Variants in ZNF766 observed in about 807,000 individuals in gnomAD.
ZNF766 encodes the protein zinc finger protein 766.
In ZNF766, 13 loss-of-function variants were observed where a neutral mutation model predicts 13.2. The observed-to-expected ratio is 0.98, with a 90% CI of 0.64 to 1.56. The LOEUF is 1.56. Among genes scored for constraint, ZNF766 ranks in the 40% most tolerant of loss-of-function variants. The probability of loss-of-function intolerance (pLI) is 0.00; values close to 1 mark genes in which losing one functional copy is unlikely to be tolerated. For synonymous variants in ZNF766, 178 were observed against 187.6 expected (o/e 0.95, Z 0.42); for missense variants, 521 against 552.2 (o/e 0.94, Z 0.57).
At chr19:52,287,647 C>T (rs1388548892) in intron 3 of ZNF766, among the ~76,000 whole-genome samples, 1 of 152,180 alleles carries the variant, frequency 6.6e-6, no homozygotes, top group African/African-American at 2.4e-5. Context: ...ATAACTGATT[C>T]AGTCTTCTTA....
chr19:52,283,117 C>A (rs1246860046), intron 2 of ZNF766, among the ~76,000 whole-genome samples, 168 bp from the exon 3 acceptor site: 1 of 152,180 alleles, frequency 6.6e-6, no homozygotes, highest in African/African-American at 2.4e-5. Flanking sequence ...TAAAAGTGTT[C>A]CTGTTTCTCC....
At chr19:52,270,342 AGAGG>A (rs1446616490) in intron 1 of ZNF766, among the ~76,000 whole-genome samples, 3 of 152,174 alleles carry the variant, frequency 2.0e-5, no homozygotes, top group South Asian at 4.1e-4. Flanking sequence ...ACGGCAACGC[AGAGG>A]GAGGGTGAGA....
rs147340614 is a variant in ZNF766, at chr19:52,286,998, G to A, written c.275-3068G>A. Among the ~76,000 whole-genome samples, 580 of 152,046 alleles carry A rather than the reference G, an allele frequency of 3.8e-3. 5 individuals are homozygous for A. Among genetic ancestry groups the A allele is most frequent in the Middle Eastern group, 0.027 (8 of 294 alleles). On this transcript the variant is annotated intron_variant, in intron 3 of 3. Transcript: ENST00000439461. Reference sequence around the variant, plus strand: ...CTACAGGCACCTGCCACCATGCCCGGATAACTTTTATATTTTAATAGAGAC... The same window carrying A: ...CTACAGGCACCTGCCACCATGCCCGAATAACTTTTATATTTTAATAGAGAC...
intron 3 of ZNF766, 72 bp downstream of exon 3, chr19:52,283,485 A>AC: frequency 6.8e-7 from 1 of 1,467,398 alleles, no homozygotes. Flanking sequence ...TGTTCCCCAC[A>AC]CTGGAGTGCA....
At chr19:52,279,237 C>G (rs1448707763) in intron 1 of ZNF766, among the ~76,000 whole-genome samples, 2 of 152,120 alleles carry the variant, frequency 1.3e-5, no homozygotes, top group African/African-American at 4.8e-5. Context: ...GTCTTTGTGC[C>G]TGTTTTTGTA....
chr19:52,291,309 CA>C lies in ZNF766; in HGVS notation c.*114del. On this transcript the variant is annotated 3_prime_UTR_variant, in exon 4 of 4. Transcript: ENST00000439461. ...TGGCACAGGCTGTATCGAGACCTAC[CA>C]AATCACTAGACATCGAAACATTCAT... The C allele has an allele frequency of 9.4e-7, 1 of 1,062,990 alleles. No individual in the cohort carries two copies. The highest frequency in any genetic ancestry group is 1.3e-6 in the Non-Finnish European group (1 of 742,226). The allele number at this position is 1,062,990 out of a possible 1,614,324, so 65.8% of individuals were successfully genotyped here. A position where few individuals can be genotyped will look rare whatever the true frequency, so the allele number is the denominator to read the frequency against.
Position 52,290,272 on chromosome 19 carries a change from T to C in ZNF766, c.481T>C (p.Phe161Leu). 6.2e-7 allele frequency: 1 copy of C among 1,613,866 alleles called. No homozygotes were observed. The highest frequency in any genetic ancestry group is 2.2e-5 in the East Asian group (1 of 44,878). Residue 161 changes from phenylalanine to leucine, a missense_variant, in exon 4 of 4, where the codon TTT (phenylalanine) becomes CTT (leucine). Physicochemically the swap from Phe to Leu is conservative, Grantham distance 22. Transcript: ENST00000439461. ...RIYSGVKTHI[F>L]NKHRNDFVDF... ...TTACTCTGGGGTCAAAACCCACATA[T>C]TTAATAAACATAGGAATGATTTTGT... is the stretch of plus-strand genomic sequence containing the variant.
intron 3 of ZNF766, chr19:52,288,026 T>TC: frequency 2.3e-6 from 1 of 431,496 alleles, no homozygotes; most frequent in Non-Finnish European, 4.5e-6. Context: ...TTTTTCTTTT[T>TC]CTTTTTTTTT....
rs1024354362 is a variant in ZNF766, at chr19:52,291,890, C to T, written c.*692C>T. 14 of 427,310 alleles carry T rather than the reference C, an allele frequency of 3.3e-5. No homozygotes were observed. Among genetic ancestry groups the T allele is most frequent in the African/African-American group, 1.6e-4 (8 of 49,536 alleles). The allele number at this position is 427,310 out of a possible 1,614,324, so 26.5% of individuals were successfully genotyped here. ...TGGAGATCAAGATAAGTATGGGCAA[C>T]GTAGCAAGGCCCATCCCTACAAAAT... On this transcript the variant is annotated 3_prime_UTR_variant, in exon 4 of 4. Coordinates refer to ENST00000439461, the MANE Select transcript of ZNF766 (RefSeq NM_001010851.3).
chr19:52,273,463 C>T (rs987586634), intron 1 of ZNF766, among the ~76,000 whole-genome samples: 1 of 152,164 alleles, frequency 6.6e-6, no homozygotes, highest in Non-Finnish European at 1.5e-5. Context: ...GAGCTCATCT[C>T]CTCCCTGTGT....
At chr19:52,269,710 A>G in intron 1 of ZNF766, 79 bp downstream of exon 1, 1 of 1,565,040 alleles carries the variant, frequency 6.4e-7, no homozygotes. Context: ...GGGGGGCGGT[A>G]CAGACCTTGA....
At chr19:52,273,618 G>C (rs571046424) in intron 1 of ZNF766, among the ~76,000 whole-genome samples, 169 of 152,256 alleles carry the variant, frequency 1.1e-3, no homozygotes, top group Middle Eastern at 0.01. Flanking sequence ...TTCTTCCCCA[G>C]GTCTTTGTTC....
In ZNF766 at chr19:52,291,836, A is replaced by C. The variant is rs1982162722; in HGVS notation, c.*638A>C. ...ATGCCTATAATCTCAGCACAATAGA[A>C]AGCCAAGACAGGAGGGTCACTTGAT... On this transcript the variant is annotated 3_prime_UTR_variant, in exon 4 of 4. Transcript: ENST00000439461. 1 of 297,356 alleles carries C rather than the reference A, an allele frequency of 3.4e-6. No individual in the cohort carries two copies. The highest frequency in any genetic ancestry group is 2.2e-5 in the African/African-American group (1 of 46,030). The allele number at this position is 297,356 out of a possible 1,614,324, so 18.4% of individuals were successfully genotyped here. A position where few individuals can be genotyped will look rare whatever the true frequency, so the allele number is the denominator to read the frequency against.
At position 52,292,157 on chromosome 19, in the gene ZNF766, CTG is replaced by C; in HGVS notation, c.*962_*963del. ...ATGTGCCTTCCCTACAGGCCTTTCA[CTG>C]TGGTCTGGGAAAGAATCAGTAAGAT... is the stretch of plus-strand genomic sequence containing the variant. On this transcript the variant is annotated 3_prime_UTR_variant, in exon 4 of 4. Coordinates refer to ENST00000439461, the MANE Select transcript of ZNF766 (RefSeq NM_001010851.3). 1 of 702,876 alleles carries C rather than the reference CTG, an allele frequency of 1.4e-6. No homozygotes were observed. The highest frequency in any genetic ancestry group is 2.6e-6 in the Non-Finnish European group (1 of 384,952). 43.5% of individuals were successfully genotyped at this position (702,876 alleles called of 1,614,324 possible).
chr19:52,283,238 A>G, intron 2 of ZNF766, 47 bp from the exon 3 acceptor site: 1 of 1,584,384 alleles, frequency 6.3e-7, no homozygotes, highest in Non-Finnish European at 8.6e-7. Flanking sequence ...GAGGGCTTGG[A>G]TTTTGGAGAC....
In ZNF766 at chr19:52,282,279, T is replaced by G. The variant is rs763985503; in HGVS notation, c.145+42T>G. Reference sequence around the variant, plus strand: ...TCCAGAAGTTGGGGTCTGCCCTTAGTATCTCTGCATTTTCCCTTGTGTGCC... The same window carrying G: ...TCCAGAAGTTGGGGTCTGCCCTTAGGATCTCTGCATTTTCCCTTGTGTGCC... On this transcript the variant is annotated intron_variant, in intron 2 of 3. Coordinates refer to ENST00000439461, the MANE Select transcript of ZNF766 (RefSeq NM_001010851.3). 109 of 1,544,040 alleles carry G rather than the reference T, an allele frequency of 7.1e-5. 1 individual carries two copies. The highest frequency in any genetic ancestry group is 9.2e-5 in the Non-Finnish European group (105 of 1,145,400).
At chr19:52,277,899 C>G (rs1981290959) in intron 1 of ZNF766, among the ~76,000 whole-genome samples, 1 of 151,888 alleles carries the variant, frequency 6.6e-6, no homozygotes, top group South Asian at 2.1e-4. Context: ...AGAAGCTGCC[C>G]ACAGAAATCA....
rs1268077715 is a variant in ZNF766, at chr19:52,295,723, ATTAT to A, written c.*4532_*4535del. 1 of 151,904 alleles carries A rather than the reference ATTAT, an allele frequency of 6.6e-6. No homozygotes were observed. Among genetic ancestry groups the A allele is most frequent in the Non-Finnish European group, 1.5e-5 (1 of 67,996 alleles). The allele number at this position is 151,904 out of a possible 1,614,324, so 9.4% of individuals were successfully genotyped here. On this transcript the variant is annotated 3_prime_UTR_variant, in exon 4 of 4. Transcript: ENST00000439461. ...TATCTTTATTTTATTTATTTATTTT[ATTAT>A]TTATTTTTTTGAGATGGAGTTTCAC...
In ZNF766 at chr19:52,291,293, C is replaced by T; in HGVS notation, c.*95C>T. The T allele has an allele frequency of 2.4e-6, 3 of 1,241,250 alleles. No homozygotes were observed. In the South Asian group the frequency reaches 4.7e-5, roughly 19 times the overall value. 76.9% of individuals were successfully genotyped at this position (1,241,250 alleles called of 1,614,324 possible). A position where few individuals can be genotyped will look rare whatever the true frequency, so the allele number is the denominator to read the frequency against. On this transcript the variant is annotated 3_prime_UTR_variant, in exon 4 of 4. Coordinates refer to ENST00000439461, the MANE Select transcript of ZNF766 (RefSeq NM_001010851.3). ...TTAAATGTACTATATGTGGCACAGGCTGTATCGAGACCTACCAAATCACTA... is the reference window on the plus strand; with the variant it reads ...TTAAATGTACTATATGTGGCACAGGTTGTATCGAGACCTACCAAATCACTA...
Sources: gnomAD v4.1 joint callset for allele counts (sites outside exome capture counted in the v4.1 genomes callset) on GRCh38, gnomAD v4.1.1 for gene constraint, MANE v1.5 for transcripts, NCBI Gene and HGNC (gene_info 2026-07-23, HGNC 2026-07-21) for gene names.